RIT2: variants seen among roughly 807,000 people sequenced by gnomAD.
The protein encoded by RIT2 is GTP-binding protein Rit2.
Under a neutral mutation model 23.7 loss-of-function variants are expected in RIT2, and 24 were observed. That is an observed-to-expected ratio of 1.01 (90% CI 0.73 to 1.43). RIT2 has a LOEUF of 1.43. Ranked by LOEUF, RIT2 falls within the 40% of genes most tolerant of loss-of-function variation. The probability of loss-of-function intolerance (pLI) is 0.00; values close to 1 mark genes in which losing one functional copy is unlikely to be tolerated. For missense variants in RIT2, 236 were observed against 266.9 expected, an observed-to-expected ratio of 0.88 and a Z score of 0.81; for synonymous variants, 107 against 91.1, an observed-to-expected ratio of 1.17 and a Z score of -0.99.
chr18:42,781,912 T>C (rs907995440), intron 4 of RIT2, among the ~76,000 whole-genome samples: 6 of 152,204 alleles, frequency 3.9e-5, no homozygotes, highest in Non-Finnish European at 8.8e-5. Flanking sequence ...ATGGGTAATT[T>C]CATCCACCTT....
chr18:42,773,473 C>T (rs1277344734), intron 4 of RIT2, among the ~76,000 whole-genome samples: 2 of 152,154 alleles, frequency 1.3e-5, no homozygotes, highest in Non-Finnish European at 2.9e-5. Flanking sequence ...AGGTTTTTAA[C>T]AACGGTGGAC....
intron 2 of RIT2, among the ~76,000 whole-genome samples, chr18:43,028,505 G>T: frequency 6.6e-6 from 1 of 151,964 alleles, no homozygotes; most frequent in Non-Finnish European, 1.5e-5. Flanking sequence ...ATTCAATATC[G>T]AATTTAATTA....
intron 4 of RIT2, among the ~76,000 whole-genome samples, chr18:42,835,427 A>G (rs1168459637): frequency 6.6e-6 from 1 of 152,062 alleles, no homozygotes; most frequent in African/African-American, 2.4e-5. Context: ...TATTGGCCTC[A>G]CTCAATGCCC....
At chr18:42,836,768 C>T (rs1333648508) in intron 4 of RIT2, among the ~76,000 whole-genome samples, 1 of 152,124 alleles carries the variant, frequency 6.6e-6, no homozygotes, top group Admixed American at 6.5e-5. Context: ...CATCCTGTTT[C>T]CCATCTCCCT....
chr18:43,000,421 G>T (rs900680654), intron 2 of RIT2, among the ~76,000 whole-genome samples: 2 of 152,072 alleles, frequency 1.3e-5, no homozygotes, highest in Non-Finnish European at 2.9e-5. Flanking sequence ...ACTCAAGGGA[G>T]ATCGATACAA....
In RIT2 at chr18:43,064,290, C is replaced by T. The variant is rs191779375; in HGVS notation, c.104-30423G>A. Reference sequence around the variant, plus strand: ...AGAATATATAATACACTAATAAAAACATTTGTTAAGCGTTGGTTTCAAGTT... The same window carrying T: ...AGAATATATAATACACTAATAAAAATATTTGTTAAGCGTTGGTTTCAAGTT... On this transcript the variant is annotated intron_variant, in intron 1 of 4. Coordinates refer to ENST00000326695, the MANE Select transcript of RIT2 (RefSeq NM_002930.4). 3.0e-3 allele frequency among the ~76,000 whole-genome samples: 464 copies of T among 152,238 alleles called. 2 individuals carry two copies. The highest frequency in any genetic ancestry group is 5.5e-3 in the Non-Finnish European group (372 of 68,008).
At chr18:43,112,436 T>A (rs1309481869) in intron 1 of RIT2, among the ~76,000 whole-genome samples, 1 of 152,250 alleles carries the variant, frequency 6.6e-6, no homozygotes. Context: ...AGTATAGGAC[T>A]GTGCATAATA....
intron 4 of RIT2, among the ~76,000 whole-genome samples, chr18:42,837,261 G>A (rs1450036565): frequency 1.6e-5 from 2 of 127,196 alleles, no homozygotes; most frequent in Non-Finnish European, 3.2e-5. Flanking sequence ...TCCAGCTCCC[G>A]GGCTCACGCC....
intron 1 of RIT2, among the ~76,000 whole-genome samples, chr18:43,071,287 A>G (rs769832907): frequency 3.9e-5 from 6 of 152,192 alleles, no homozygotes; most frequent in South Asian, 2.1e-4. Flanking sequence ...CTGAATTGCT[A>G]GAATCCGATG....
intron 4 of RIT2, among the ~76,000 whole-genome samples, chr18:42,848,155 G>A (rs1598681216): frequency 6.6e-6 from 1 of 152,006 alleles, no homozygotes; most frequent in East Asian, 1.9e-4. Context: ...TGGCCATGTT[G>A]ACATGTTGAC....
At chr18:42,912,794 A>G (rs2144120796) in intron 4 of RIT2, among the ~76,000 whole-genome samples, 1 of 152,064 alleles carries the variant, frequency 6.6e-6, no homozygotes. Flanking sequence ...ACTTGGAAAA[A>G]CATATTCATG....
chr18:42,993,223 A>T (rs1910896977), intron 2 of RIT2, among the ~76,000 whole-genome samples: 1 of 152,158 alleles, frequency 6.6e-6, no homozygotes, highest in South Asian at 2.1e-4. Context: ...CGTCCTGTCT[A>T]TGTGGGACCC....
At chr18:42,998,016 A>C (rs1427216544) in intron 2 of RIT2, among the ~76,000 whole-genome samples, 1 of 152,206 alleles carries the variant, frequency 6.6e-6, no homozygotes, top group African/African-American at 2.4e-5. Context: ...TGTAGCTTGC[A>C]ACAAGGCTCT....
chr18:42,901,938 A>G (rs574368459), intron 4 of RIT2, among the ~76,000 whole-genome samples: 33 of 151,946 alleles, frequency 2.2e-4, no homozygotes, highest in Non-Finnish European at 4.6e-4. Flanking sequence ...TAACCAAAAC[A>G]TGTTTATTGC....
At chr18:42,820,845 C>A (rs948168870) in intron 4 of RIT2, among the ~76,000 whole-genome samples, 1 of 152,108 alleles carries the variant, frequency 6.6e-6, no homozygotes, top group Non-Finnish European at 1.5e-5. Context: ...ATGTCCCTTT[C>A]AAATCTCATG....
chr18:42,928,006 C>T (rs1165817832), intron 3 of RIT2, among the ~76,000 whole-genome samples: 2 of 151,978 alleles, frequency 1.3e-5, no homozygotes, highest in African/African-American at 2.4e-5. Context: ...TGCCTCACTA[C>T]ATTCAAAAAG....
At chr18:42,773,105 C>T (rs1008233017) in intron 4 of RIT2, among the ~76,000 whole-genome samples, 2 of 152,026 alleles carry the variant, frequency 1.3e-5, no homozygotes, top group Admixed American at 1.3e-4. Flanking sequence ...TGTTTTTAAC[C>T]CCCTTCTGTG....
At chr18:42,885,966 C>T (rs1297352950) in intron 4 of RIT2, among the ~76,000 whole-genome samples, 1 of 152,166 alleles carries the variant, frequency 6.6e-6, no homozygotes, top group Admixed American at 6.5e-5. Flanking sequence ...AGTCCAACAG[C>T]TCAGTATCTT....
chr18:42,920,626 C>A lies in RIT2; in HGVS notation c.426+2946G>T, dbSNP rs534818405. ...AACTCGTTGTCTTTTTGTTTTTTTT[C>A]TTTTTATCTTTTTTAGAAAGGGCCC... is the stretch of plus-strand genomic sequence containing the variant. On this transcript the variant is annotated intron_variant, in intron 4 of 4. Transcript: ENST00000326695. The A allele has an allele frequency of 6.7e-6, 7 of 1,046,098 alleles. No individual in the cohort carries two copies. In the Admixed American group the frequency reaches 1.6e-4, roughly 23 times the overall value. 64.8% of individuals were successfully genotyped at this position (1,046,098 alleles called of 1,614,324 possible).
Sources: allele counts gnomAD v4.1 joint callset (sites outside exome capture counted in the v4.1 genomes callset), GRCh38; gene constraint gnomAD v4.1.1; transcripts MANE v1.5; gene names NCBI Gene and HGNC (gene_info 2026-07-23, HGNC 2026-07-21).